FGGY: variants seen among roughly 807,000 people sequenced by gnomAD.
FGGY encodes the protein FGGY carbohydrate kinase domain containing, also known as FGGY carbohydrate kinase domain-containing protein.
Under a neutral mutation model 71.3 loss-of-function variants are expected in FGGY, and 72 were observed. That is an observed-to-expected ratio of 1.01 (90% CI 0.84 to 1.23). The LOEUF (loss-of-function observed/expected upper bound fraction) is 1.23, where lower values mean the gene tolerates loss of function less well. FGGY is among the 50% of genes most tolerant of loss of function. FGGY has a pLI of 0.00. For missense variants in FGGY, 668 were observed against 682.3 expected, an observed-to-expected ratio of 0.98 and a Z score of 0.23; for synonymous variants, 251 against 250.3, an observed-to-expected ratio of 1.00 and a Z score of -0.02.
chr1:59,684,078 G>A (rs977007969), intron 14 of FGGY, among the ~76,000 whole-genome samples: 3 of 152,194 alleles, frequency 2.0e-5, no homozygotes, highest in African/African-American at 7.2e-5. Flanking sequence ...AGGCTCATCA[G>A]CACAAGCCTG....
In FGGY at chr1:59,554,212, T is replaced by C. The variant is rs144977691; in HGVS notation, c.888T>C (p.Ser296=). 8.7e-6 allele frequency: 14 copies of C among 1,613,386 alleles called. No homozygotes were observed. Among genetic ancestry groups the C allele is most frequent in the Non-Finnish European group, 1.2e-5 (14 of 1,179,546 alleles). The change falls in exon 8 of 16, where the codon TCT becomes TCC. Residue 296 remains serine, a synonymous_variant. Coordinates refer to ENST00000303721, the MANE Select transcript of FGGY (RefSeq NM_018291.5). ...TSRLAVICGT[S]SCHMGISKDP... ...GGCTGGCTGTCATCTGTGGAACGTC[T>C]TCTTGTCACATGGGGGTGAGTCCAC...
intron 11 of FGGY, among the ~76,000 whole-genome samples, chr1:59,646,729 T>C (rs2097098331): frequency 6.6e-6 from 1 of 152,042 alleles, no homozygotes; most frequent in Non-Finnish European, 1.5e-5. Flanking sequence ...TGTTGTCCCA[T>C]TTAAAAGAAG....
intron 7 of FGGY, among the ~76,000 whole-genome samples, chr1:59,517,254 C>CTTTTTT (rs57951011): frequency 8.0e-5 from 7 of 87,656 alleles, no homozygotes; most frequent in Non-Finnish European, 1.2e-4. Context: ...CTCAGTTGCT[C>CTTTTTT]TTTTTTTTTT....
intron 11 of FGGY, among the ~76,000 whole-genome samples, chr1:59,651,636 C>G (rs1037420488): frequency 6.6e-6 from 1 of 150,610 alleles, no homozygotes; most frequent in African/African-American, 2.5e-5. Flanking sequence ...TATTTTGAGC[C>G]TATGTGTATC....
chr1:59,437,002 G>C (rs960930198), intron 5 of FGGY, among the ~76,000 whole-genome samples: 1 of 152,158 alleles, frequency 6.6e-6, no homozygotes, highest in South Asian at 2.1e-4. Flanking sequence ...TTAGAGCAGA[G>C]GAGGAACTTC....
At chr1:59,405,461 T>C (rs1335401134) in intron 5 of FGGY, among the ~76,000 whole-genome samples, 1 of 152,194 alleles carries the variant, frequency 6.6e-6, no homozygotes, top group Non-Finnish European at 1.5e-5. Flanking sequence ...AGAAAACAGG[T>C]AAAACCTGAC....
At chr1:59,439,012 A>G (rs1168169693) in intron 5 of FGGY, among the ~76,000 whole-genome samples, 2 of 151,464 alleles carry the variant, frequency 1.3e-5, no homozygotes, top group African/African-American at 4.9e-5. Context: ...TTCATAATCT[A>G]CTCTCTCCCT....
At chr1:59,447,398 G>GA (rs769718573) in intron 5 of FGGY, among the ~76,000 whole-genome samples, 6 of 152,150 alleles carry the variant, frequency 3.9e-5, no homozygotes, top group Non-Finnish European at 2.9e-5. Flanking sequence ...CTGAGTCGGG[G>GA]AAAGGAGCTT....
chr1:59,355,854 A>G (rs2054213868), intron 4 of FGGY, among the ~76,000 whole-genome samples: 1 of 152,120 alleles, frequency 6.6e-6, no homozygotes, highest in Non-Finnish European at 1.5e-5. Flanking sequence ...TGCCAGGGCT[A>G]CAGGCTGGCA....
rs540236673 is a variant in FGGY, at chr1:59,512,194, A to G, written c.671-117A>G. The G allele has an allele frequency of 7.7e-6, 9 of 1,164,918 alleles. No homozygotes were observed. In the South Asian group the frequency reaches 1.3e-4, roughly 17 times the overall value. 72.2% of individuals were successfully genotyped at this position (1,164,918 alleles called of 1,614,324 possible). Reference sequence around the variant, plus strand: ...GACTCTTGATGACTGCATGGTTTTTATCTTTGCAAATGCAGAGGAGGGAGG... The same window carrying G: ...GACTCTTGATGACTGCATGGTTTTTGTCTTTGCAAATGCAGAGGAGGGAGG... On this transcript the variant is annotated intron_variant, in intron 6 of 15. Coordinates refer to ENST00000303721, the MANE Select transcript of FGGY (RefSeq NM_018291.5).
At chr1:59,477,861 A>G (rs567776995) in intron 6 of FGGY, among the ~76,000 whole-genome samples, 74 of 152,300 alleles carry the variant, frequency 4.9e-4, no homozygotes, top group African/African-American at 1.6e-3. Context: ...GAGTTTTTGC[A>G]ATGTCATAGG....
intron 14 of FGGY, among the ~76,000 whole-genome samples, chr1:59,696,094 A>G (rs2097656037): frequency 6.6e-6 from 1 of 152,224 alleles, no homozygotes; most frequent in South Asian, 2.1e-4. Flanking sequence ...AATATGAACC[A>G]GCACATTGCT....
chr1:59,581,998 A>G (rs778038422), intron 8 of FGGY, among the ~76,000 whole-genome samples: 1 of 149,986 alleles, frequency 6.7e-6, no homozygotes, highest in Non-Finnish European at 1.5e-5. Flanking sequence ...TTTAAAGATC[A>G]TTCAGCCTGT....
At chr1:59,473,093 C>A (rs940600095) in intron 6 of FGGY, among the ~76,000 whole-genome samples, 3 of 152,170 alleles carry the variant, frequency 2.0e-5, no homozygotes, top group Non-Finnish European at 4.4e-5. Flanking sequence ...CACTCGGGTC[C>A]CCTTCCACAC....
chr1:59,319,594 T>G (rs1343678470), intron 1 of FGGY, among the ~76,000 whole-genome samples: 1 of 152,028 alleles, frequency 6.6e-6, no homozygotes, highest in East Asian at 1.9e-4. Flanking sequence ...TATAATTCAG[T>G]GGTCACCAGG....
chr1:59,709,386 T>C (rs2097777733), intron 14 of FGGY, among the ~76,000 whole-genome samples: 1 of 151,840 alleles, frequency 6.6e-6, no homozygotes, highest in African/African-American at 2.4e-5. Flanking sequence ...ATCCAATCAC[T>C]TCCTACCAGG....
At chr1:59,565,960 G>A (rs921456216) in intron 8 of FGGY, among the ~76,000 whole-genome samples, 3 of 152,136 alleles carry the variant, frequency 2.0e-5, no homozygotes, top group South Asian at 2.1e-4. Flanking sequence ...TCCCTGCTGC[G>A]CTGTGGTCAA....
intron 6 of FGGY, among the ~76,000 whole-genome samples, chr1:59,483,512 TC>T (rs1227884566): frequency 6.6e-6 from 1 of 152,204 alleles, no homozygotes; most frequent in African/African-American, 2.4e-5. Flanking sequence ...TTCAAACTTT[TC>T]CTAAACAGGA....
In FGGY at chr1:59,463,851, C is replaced by T. The variant is rs549184724; in HGVS notation, c.670+6775C>T. The stretch of plus-strand genomic sequence containing the variant: ...ACATATGTGCCCAATATAGGAGCAC[C>T]CAGATTCATAAAGCAAGTGCTTAGA... On this transcript the variant is annotated intron_variant, in intron 6 of 15. Coordinates refer to ENST00000303721, the MANE Select transcript of FGGY (RefSeq NM_018291.5). Among the ~76,000 whole-genome samples, 216 of 152,194 alleles carry T rather than the reference C, an allele frequency of 1.4e-3. 1 individual carries two copies. The highest frequency in any genetic ancestry group is 5.0e-3 in the African/African-American group (206 of 41,504).
Sources: allele counts gnomAD v4.1 joint callset (sites outside exome capture counted in the v4.1 genomes callset), GRCh38; gene constraint gnomAD v4.1.1; transcripts MANE v1.5; gene names NCBI Gene and HGNC (gene_info 2026-07-23, HGNC 2026-07-21).